The following RABEP1 variants were observed in gnomAD, a reference collection of about 807,000 sequenced individuals.
RABEP1 encodes rab GTPase-binding effector protein 1.
RABEP1 carries 51 observed loss-of-function variants against 123.4 expected under a neutral mutation model. That is an observed-to-expected ratio of 0.41 (90% CI 0.33 to 0.52). RABEP1 has a LOEUF of 0.52. Ranked by LOEUF, RABEP1 falls within the 20% of genes least tolerant of loss-of-function variation. The probability of loss-of-function intolerance (pLI) is 0.16; values close to 1 mark genes in which losing one functional copy is unlikely to be tolerated. For synonymous variants in RABEP1, 347 were observed against 355.2 expected (o/e 0.98, Z 0.26); for missense variants, 888 against 996.3 (o/e 0.89, Z 1.46).
rs980454937 is a variant in RABEP1, at chr17:5,321,406, G to A, written c.164-10543G>A. Among the ~76,000 whole-genome samples, 28 of 152,350 alleles carry A rather than the reference G, an allele frequency of 1.8e-4. 1 individual carries two copies. Among genetic ancestry groups the A allele is most frequent in the Non-Finnish European group, 1.8e-4 (12 of 68,024 alleles). On this transcript the variant is annotated intron_variant, in intron 2 of 17. Transcript: ENST00000537505. ...TGCAGCGAGCTGTGATTGTGCCACA[G>A]CACTCCAGCCTGGGTGACAGAGCAA...
At chr17:5,376,428 TAA>T (rs773610891) in intron 13 of RABEP1, among the ~76,000 whole-genome samples, 3 of 152,254 alleles carry the variant, frequency 2.0e-5, no homozygotes, top group Non-Finnish European at 4.4e-5. Flanking sequence ...TAGGAAATTT[TAA>T]AAACTGTTGT....
At chr17:5,307,611 T>G (rs1044249910) in intron 1 of RABEP1, among the ~76,000 whole-genome samples, 7 of 152,172 alleles carry the variant, frequency 4.6e-5, no homozygotes, top group Admixed American at 6.6e-5. Flanking sequence ...GTCATAGCTT[T>G]AAGGCTGGGA....
intron 6 of RABEP1, among the ~76,000 whole-genome samples, chr17:5,347,675 A>C (rs960933999): frequency 7.2e-5 from 11 of 152,142 alleles, no homozygotes; most frequent in African/African-American, 2.7e-4. Context: ...AATTGACTCT[A>C]TTTTCCAGGG....
chr17:5,373,522 A>G (rs1910701565), intron 13 of RABEP1, 68 bp downstream of exon 13: 7 of 1,474,986 alleles, frequency 4.7e-6, no homozygotes, highest in Middle Eastern at 1.8e-4. Flanking sequence ...TATGTTCTTT[A>G]TGTAAACAGT....
chr17:5,334,989 G>A (rs1329320296), intron 3 of RABEP1, among the ~76,000 whole-genome samples, 195 bp from the exon 4 acceptor site: 1 of 152,162 alleles, frequency 6.6e-6, no homozygotes, highest in Non-Finnish European at 1.5e-5. Flanking sequence ...TTATTGTGAA[G>A]ATTAGAAGTG....
At chr17:5,311,419 A>C (rs1159673216) in intron 2 of RABEP1, among the ~76,000 whole-genome samples, 1 of 152,060 alleles carries the variant, frequency 6.6e-6, no homozygotes, top group Non-Finnish European at 1.5e-5. Context: ...AAATAAGGCC[A>C]GGCACGGTGG....
intron 11 of RABEP1, among the ~76,000 whole-genome samples, chr17:5,365,847 G>A (rs969763780): frequency 3.9e-5 from 6 of 152,222 alleles, no homozygotes; most frequent in Non-Finnish European, 1.5e-5. Context: ...GTGATGCACG[G>A]AGTGTTTGTT....
chr17:5,386,029 C>G lies in RABEP1; in HGVS notation c.*2806C>G. The G allele has an allele frequency of 1.8e-6, 1 of 553,958 alleles. No individual in the cohort carries two copies. The highest frequency in any genetic ancestry group is 3.2e-6 in the Non-Finnish European group (1 of 317,456). 34.3% of individuals were successfully genotyped at this position (553,958 alleles called of 1,614,324 possible). A position where few individuals can be genotyped will look rare whatever the true frequency, so the allele number is the denominator to read the frequency against. ...TAGGCTTGAGTTATAAAGCACATTCCAAATTTTAAATAAAAGCATTTACTC... is the reference window on the plus strand; with the variant it reads ...TAGGCTTGAGTTATAAAGCACATTCGAAATTTTAAATAAAAGCATTTACTC... On this transcript the variant is annotated 3_prime_UTR_variant, in exon 18 of 18. Coordinates refer to ENST00000537505, the MANE Select transcript of RABEP1 (RefSeq NM_004703.6).
At chr17:5,344,891 A>T (rs1462040959) in intron 5 of RABEP1, among the ~76,000 whole-genome samples, 2 of 151,938 alleles carry the variant, frequency 1.3e-5, no homozygotes, top group Non-Finnish European at 2.9e-5. Context: ...CAGGAGCCAG[A>T]GGTTGACGTT....
rs144661245 is a variant in RABEP1 at position 5,326,998 on chromosome 17, C to T, written c.164-4951C>T. On this transcript the variant is annotated intron_variant, in intron 2 of 17. Transcript: ENST00000537505. ...TACTAAACTGAAAAGCTGTACAGCACGTTACTGTACTGAATGCTGTAAGCA... is the reference window on the plus strand; with the variant it reads ...TACTAAACTGAAAAGCTGTACAGCATGTTACTGTACTGAATGCTGTAAGCA... Among the ~76,000 whole-genome samples, 27 of 152,214 alleles carry T rather than the reference C, an allele frequency of 1.8e-4. No homozygotes were observed. The East Asian group carries it at 2.1e-3, about 12-fold the overall frequency.
chr17:5,370,302 G>GT (rs113714521), intron 12 of RABEP1, among the ~76,000 whole-genome samples: 2 of 152,268 alleles, frequency 1.3e-5, no homozygotes, highest in African/African-American at 4.8e-5. Context: ...CATGACAGTC[G>GT]TAAGTATTTT....
At chr17:5,323,538 AAT>A (rs1905592922) in intron 2 of RABEP1, among the ~76,000 whole-genome samples, 1 of 146,916 alleles carries the variant, frequency 6.8e-6, no homozygotes, top group Non-Finnish European at 1.5e-5. Context: ...CATTAGCATT[AAT>A]ATATACCAAC....
In RABEP1 at chr17:5,335,296, G is replaced by A. The variant is rs749241050; in HGVS notation, c.480G>A (p.Arg160=). The A allele has an allele frequency of 8.1e-6, 13 of 1,613,890 alleles. No homozygotes were observed. In the East Asian group the frequency reaches 2.7e-4, roughly 33 times the overall value. ...GGGAAATAGCTGATTTAAGAAGAAG[G>A]CTGTCTGAAGGTCAAGAGGAGGAAA... ...AEREIADLRR[R]LSEGQEEENL... is the part of the protein sequence containing the mutation. Residue 160 remains arginine (R), a synonymous_variant, in exon 4 of 18, where the codon AGG becomes AGA. Transcript: ENST00000537505.
At chr17:5,351,418 A>G (rs1235032013) in intron 7 of RABEP1, among the ~76,000 whole-genome samples, 5 of 152,212 alleles carry the variant, frequency 3.3e-5, no homozygotes, top group Non-Finnish European at 7.3e-5. Context: ...CATTTGGTAG[A>G]GAGCCTTCTA....
intron 1 of RABEP1, among the ~76,000 whole-genome samples, chr17:5,295,721 T>A (rs2075077169): frequency 6.6e-6 from 1 of 152,192 alleles, no homozygotes; most frequent in African/African-American, 2.4e-5. Context: ...AGTGAAGGGT[T>A]CAGTTTTTCT....
rs763545598 is a variant in RABEP1 at position 5,338,147 on chromosome 17, A to G, written c.648+9A>G. 46 of 1,608,574 alleles carry G rather than the reference A, an allele frequency of 2.9e-5. No individual in the cohort carries two copies. The highest frequency in any genetic ancestry group is 3.7e-5 in the Non-Finnish European group (43 of 1,177,570). ...AGCTGGAGGCCTCAAAGGTTATGAA[A>G]CATTGTAATCCATTTGCTTGAAACC... On this transcript the variant is annotated intron_variant, in intron 5 of 17. Coordinates refer to ENST00000537505, the MANE Select transcript of RABEP1 (RefSeq NM_004703.6).
At chr17:5,345,823 T>C (rs1423047266) in intron 5 of RABEP1, among the ~76,000 whole-genome samples, 1 of 152,098 alleles carries the variant, frequency 6.6e-6, no homozygotes, top group Non-Finnish European at 1.5e-5. Context: ...ATAAAAGGCA[T>C]GAAAAGGACC....
intron 15 of RABEP1, chr17:5,378,527 A>C (rs567160135): frequency 2.9e-4 from 126 of 436,792 alleles, no homozygotes; most frequent in African/African-American, 2.3e-3. Context: ...ATATGCTTAG[A>C]GGTACAGTAG....
intron 2 of RABEP1, among the ~76,000 whole-genome samples, chr17:5,329,310 A>G (rs1031586755): frequency 6.6e-6 from 1 of 152,010 alleles, no homozygotes; most frequent in Non-Finnish European, 1.5e-5. Flanking sequence ...GCGGGCGATC[A>G]CCTGAGGTCA....
Sources: allele counts gnomAD v4.1 joint callset (sites outside exome capture counted in the v4.1 genomes callset), GRCh38; gene constraint gnomAD v4.1.1; transcripts MANE v1.5; gene names NCBI Gene and HGNC (gene_info 2026-07-23, HGNC 2026-07-21).